Variants in EBF3 observed in about 807,000 individuals in gnomAD.
EBF3 encodes the protein transcription factor COE3.
A neutral mutation model predicts 77.1 loss-of-function variants in EBF3; 18 were observed. The ratio of observed to expected loss-of-function variants is 0.23; its 90% CI spans 0.16 to 0.35. The LOEUF is 0.35. EBF3 is among the 10% of genes least tolerant of loss of function. EBF3 has a pLI of 1.00. For missense variants in EBF3, 558 were observed against 860.0 expected (o/e 0.65, Z 4.39); for synonymous variants, 350 against 343.5 (o/e 1.02, Z -0.21).
chr10:129,954,637 T>C (rs1858912533), intron 6 of EBF3, among the ~76,000 whole-genome samples: 1 of 152,190 alleles, frequency 6.6e-6, no homozygotes, highest in Non-Finnish European at 1.5e-5. Flanking sequence ...GGAACAAATG[T>C]GGGCCCATTG....
chr10:129,873,509 T>C lies in EBF3; in HGVS notation c.724A>G (p.Arg242Gly). 1 of 1,594,252 alleles carries C rather than the reference T, an allele frequency of 6.3e-7. No individual in the cohort carries two copies. The highest frequency in any genetic ancestry group is 2.3e-5 in the East Asian group (1 of 43,748). ...GACGGGTCTAGGCGGCGGGCCCGCC[T>C]CCCGTGTTTGGAATTGTTGTGCACA... ...MFVHNNSKHG[R>G]RARRLDPSEG... Residue 242 changes from arginine (R) to glycine (G), a missense_variant, in exon 8 of 17, where the codon AGG becomes GGG. Arg to Gly is a moderately radical substitution (Grantham distance 125). This residue lies in a region of EBF3 where 112 missense variants were observed against 207.7 expected (regional missense o/e 0.54). Coordinates refer to ENST00000440978, the MANE Select transcript of EBF3 (RefSeq NM_001375380.1).
rs140534164 is a variant in EBF3 at position 129,869,304 on chromosome 10, G to A, written c.782-1392C>T. 2.1e-3 allele frequency among the ~76,000 whole-genome samples: 317 copies of A among 152,260 alleles called. 1 individual carries two copies. Among genetic ancestry groups the A allele is most frequent in the African/African-American group, 7.0e-3 (291 of 41,544 alleles). ...ACCCTTGCTGTTTTGGTGCCCTTCC[G>A]TCGCTCACAGCAACCTCGAGGGCTA... On this transcript the variant is annotated intron_variant, in intron 8 of 16. Coordinates refer to ENST00000440978, the MANE Select transcript of EBF3 (RefSeq NM_001375380.1).
intron 10 of EBF3, among the ~76,000 whole-genome samples, chr10:129,856,278 A>C (rs913736869): frequency 2.0e-5 from 3 of 150,856 alleles, no homozygotes; most frequent in South Asian, 2.1e-4. Flanking sequence ...TATGTTCACA[A>C]AAAAAAAATG....
intron 6 of EBF3, among the ~76,000 whole-genome samples, chr10:129,953,098 C>T (rs1858790876): frequency 6.6e-6 from 1 of 150,882 alleles, no homozygotes; most frequent in Non-Finnish European, 1.5e-5. Context: ...AAAAAAAAAT[C>T]TCCAATCGTT....
In EBF3 at chr10:129,870,013, A is replaced by C. The variant is rs1852300895; in HGVS notation, c.782-2101T>G. Among the ~76,000 whole-genome samples, 1 of 152,148 alleles carries C rather than the reference A, an allele frequency of 6.6e-6. No homozygotes were observed. Among genetic ancestry groups the C allele is most frequent in the Admixed American group, 6.5e-5 (1 of 15,274 alleles). On this transcript the variant is annotated intron_variant, in intron 8 of 16. Transcript: ENST00000440978. The surrounding 1 kb of genome is among the most constrained non-coding windows in gnomAD (Gnocchi z 4.4). ...TTCACAAAAAAAAAAAATTACAGTA[A>C]ACAAATTTACTTTGGAGGTGAGAAA...
At chr10:129,858,414 C>G (rs1165593489) in intron 10 of EBF3, among the ~76,000 whole-genome samples, 1 of 152,206 alleles carries the variant, frequency 6.6e-6, no homozygotes, top group Non-Finnish European at 1.5e-5. Flanking sequence ...CCTGGAGGAG[C>G]CGCCACCCTC....
Position 129,963,720 on chromosome 10 carries a change from C to T in EBF3, c.49G>A (p.Glu17Lys), listed in dbSNP as rs1259034763. The change falls in exon 1 of 17, where the codon GAG becomes AAG. Residue 17 changes from glutamate (E) to lysine (K), a missense_variant. Physicochemically the swap from Glu to Lys is moderately conservative, Grantham distance 56. Around this residue, in one of 5 missense-constraint regions of EBF3, gnomAD observed 64 missense variants for 54.5 expected, o/e 1.18. Transcript: ENST00000440978. This position sits in a 1 kb window ranked among gnomAD's most constrained non-coding sequence, Gnocchi z 7.1. ...TTCATGCCGCTGCCCAGCGGCTCCT[C>T]CTTCATGGTCGTCCCCCCGCGCGGA... ...NIPRGGTTMK[E>K]EPLGSGMNPV... 6.5e-7 allele frequency: 1 copy of T among 1,539,036 alleles called. No homozygotes were observed. The highest frequency in any genetic ancestry group is 8.8e-7 in the Non-Finnish European group (1 of 1,136,498).
chr10:129,881,617 G>A (rs1436802689), intron 6 of EBF3, among the ~76,000 whole-genome samples: 1 of 152,182 alleles, frequency 6.6e-6, no homozygotes, highest in Non-Finnish European at 1.5e-5. Flanking sequence ...GCGGTGCACA[G>A]GGACTAGGAC....
rs565435424 is a variant in EBF3, at chr10:129,963,729, T to C, written c.40A>G (p.Thr14Ala). The C allele has an allele frequency of 6.5e-7, 1 of 1,536,338 alleles. No homozygotes were observed. The highest frequency in any genetic ancestry group is 1.8e-5 in the Admixed American group (1 of 55,480). Residue 14 changes from threonine to alanine, a missense_variant, in exon 1 of 17, where the codon ACC becomes GCC. Thr to Ala is a moderately conservative substitution (Grantham distance 58). Around this residue, in one of 5 missense-constraint regions of EBF3, gnomAD observed 64 missense variants for 54.5 expected, o/e 1.18. Coordinates refer to ENST00000440978, the MANE Select transcript of EBF3 (RefSeq NM_001375380.1). The surrounding 1 kb of genome is among the most constrained non-coding windows in gnomAD (Gnocchi z 7.1). ...CTGCCCAGCGGCTCCTCCTTCATGG[T>C]CGTCCCCCCGCGCGGAATATTCTCC... ...IQENIPRGGT[T>A]MKEEPLGSGM...
intron 6 of EBF3, among the ~76,000 whole-genome samples, chr10:129,940,038 G>A (rs931346902): frequency 1.6e-4 from 24 of 152,112 alleles, no homozygotes; most frequent in African/African-American, 5.6e-4. Context: ...ACACAACCCC[G>A]AGGGCCCACT....
chr10:129,910,825 G>A (rs1257473278), intron 6 of EBF3, among the ~76,000 whole-genome samples: 6 of 152,144 alleles, frequency 3.9e-5, no homozygotes, highest in East Asian at 1.9e-4. Flanking sequence ...GTTTCTGTCC[G>A]CAAACCTGGC....
chr10:129,877,995 G>T, intron 6 of EBF3, 146 bp from the exon 7 acceptor site: 1 of 646,102 alleles, frequency 1.5e-6, no homozygotes, highest in Non-Finnish European at 2.6e-6. Context: ...TTGAGAAGAG[G>T]CTCTGGGAGA....
rs997319200 is a variant in EBF3, at chr10:129,870,679, G to A, written c.782-2767C>T. ...CCCGCCGGCTCTCCCCAGGGCCTGC[G>A]GGGACTGGCTTATCCTGTGGCCAGG... On this transcript the variant is annotated intron_variant, in intron 8 of 16. Coordinates refer to ENST00000440978, the MANE Select transcript of EBF3 (RefSeq NM_001375380.1). This position sits in a 1 kb window ranked among gnomAD's most constrained non-coding sequence, Gnocchi z 4.4. Among the ~76,000 whole-genome samples the A allele has an allele frequency of 3.9e-5, 6 of 152,084 alleles. No homozygotes were observed. The highest frequency in any genetic ancestry group is 1.2e-4 in the African/African-American group (5 of 41,434).
chr10:129,901,185 A>G (rs988725882), intron 6 of EBF3, among the ~76,000 whole-genome samples: 1 of 152,232 alleles, frequency 6.6e-6, no homozygotes, highest in Admixed American at 6.5e-5. Context: ...GCTGGGAAGA[A>G]GCCAGAGGCT....
chr10:129,898,285 C>T lies in EBF3; in HGVS notation c.555-20436G>A, dbSNP rs536073230. 4.6e-5 allele frequency among the ~76,000 whole-genome samples: 7 copies of T among 152,298 alleles called. No homozygotes were observed. In the South Asian group the frequency reaches 1.5e-3, roughly 32 times the overall value. ...TACCCATCCTGCCCGGCTGGGTCTGCAGTGCAGGAGTGAAATCTAATACGG... is the reference window on the plus strand; with the variant it reads ...TACCCATCCTGCCCGGCTGGGTCTGTAGTGCAGGAGTGAAATCTAATACGG... On this transcript the variant is annotated intron_variant, in intron 6 of 16. Transcript: ENST00000440978.
chr10:129,917,651 C>CAAGAAAAAAAAA (rs1855974843), intron 6 of EBF3, among the ~76,000 whole-genome samples: 1 of 23,596 alleles, frequency 4.2e-5, no homozygotes, highest in Non-Finnish European at 7.0e-5. Flanking sequence ...GACCCTGCCT[C>CAAGAAAAAAAAA]AAAAAAAAAA....
At chr10:129,920,628 G>T (rs180778814) in intron 6 of EBF3, among the ~76,000 whole-genome samples, 5 of 152,364 alleles carry the variant, frequency 3.3e-5, no homozygotes, top group African/African-American at 1.2e-4. Flanking sequence ...GAATAGAAAG[G>T]AAGACATGAC....
At chr10:129,937,750 C>G (rs1010619463) in intron 6 of EBF3, among the ~76,000 whole-genome samples, 1 of 152,144 alleles carries the variant, frequency 6.6e-6, no homozygotes, top group Non-Finnish European at 1.5e-5. Flanking sequence ...CAACCTGTCC[C>G]GGGCTGTCCC....
At chr10:129,855,049 G>C (rs989368705) in intron 10 of EBF3, among the ~76,000 whole-genome samples, 2 of 152,316 alleles carry the variant, frequency 1.3e-5, no homozygotes, top group East Asian at 3.9e-4. Context: ...GTGCCAGCGG[G>C]GGATGGCTCA....
Sources: gnomAD v4.1 joint callset for allele counts (sites outside exome capture counted in the v4.1 genomes callset) on GRCh38, gnomAD v4.1.1 for gene constraint, gnomAD v4.1.1 regional missense constraint, Gnocchi (gnomAD v3.1) non-coding constraint, MANE v1.5 for transcripts, NCBI Gene and HGNC (gene_info 2026-07-23, HGNC 2026-07-21) for gene names.